PRMT6: variants seen among roughly 807,000 people sequenced by gnomAD.
PRMT6 encodes the protein protein arginine N-methyltransferase 6.
Under a neutral mutation model 30.5 loss-of-function variants are expected in PRMT6, and 23 were observed. The observed-to-expected ratio is 0.75, with a 90% CI of 0.54 to 1.07. The LOEUF (loss-of-function observed/expected upper bound fraction) is 1.07, where lower values mean the gene tolerates loss of function less well. Ranked by LOEUF, PRMT6 falls within the 50% of genes least tolerant of loss-of-function variation. The probability of loss-of-function intolerance (pLI) is 0.00; values close to 1 mark genes in which losing one functional copy is unlikely to be tolerated. For missense variants in PRMT6, 528 were observed against 514.3 expected, an observed-to-expected ratio of 1.03 and a Z score of -0.26; for synonymous variants, 265 against 228.0, an observed-to-expected ratio of 1.16 and a Z score of -1.46.
chr1:107,059,007 A>G lies in PRMT6; in HGVS notation c.*1164A>G, dbSNP rs1317650504. ...TTCCTTCCTTATCCTTGTAGCCAAT[A>G]AAACATTGACATTCTCACGTTTTAT... On this transcript the variant is annotated 3_prime_UTR_variant, in exon 1 of 1. Coordinates refer to ENST00000370078, the MANE Select transcript of PRMT6 (RefSeq NM_018137.3). 1 of 167,106 alleles carries G rather than the reference A, an allele frequency of 6.0e-6. No individual in the cohort carries two copies. The highest frequency in any genetic ancestry group is 1.5e-5 in the Non-Finnish European group (1 of 68,118). 10.4% of individuals were successfully genotyped at this position (167,106 alleles called of 1,614,324 possible).
At position 107,058,236 on chromosome 1, in the gene PRMT6, G is replaced by T; in HGVS notation, c.*393G>T. 1 of 295,504 alleles carries T rather than the reference G, an allele frequency of 3.4e-6. No homozygotes were observed. Among genetic ancestry groups the T allele is most frequent in the Non-Finnish European group, 6.9e-6 (1 of 145,474 alleles). 18.3% of individuals were successfully genotyped at this position (295,504 alleles called of 1,614,324 possible). On this transcript the variant is annotated 3_prime_UTR_variant, in exon 1 of 1. Coordinates refer to ENST00000370078, the MANE Select transcript of PRMT6 (RefSeq NM_018137.3). ...TCACACCTTATCTAAGTCTGAAGCT[G>T]GGGAGAAAGGGGTTCATTTAGACTT...
rs749566176 is a variant in PRMT6, at chr1:107,057,081, G to A, written c.366G>A (p.Glu122=). 6.8e-6 allele frequency: 11 copies of A among 1,609,446 alleles called. No individual in the cohort carries two copies. The African/African-American group carries it at 8.0e-5, about 12-fold the overall frequency. Residue 122 remains glutamate, a synonymous_variant, in exon 1 of 1, where the codon GAG becomes GAA. Coordinates refer to ENST00000370078, the MANE Select transcript of PRMT6 (RefSeq NM_018137.3). ...GCGCCATCTGGCAACAGGCCCGGGA[G>A]GTGGTGCGGTTCAACGGGCTGGAGG... ...EASAIWQQAR[E]VVRFNGLEDR...
In PRMT6 at chr1:107,056,956, C is replaced by T; in HGVS notation, c.241C>T (p.Leu81=). The T allele has an allele frequency of 6.2e-7, 1 of 1,613,014 alleles. No individual in the cohort carries two copies. Among genetic ancestry groups the T allele is most frequent in the Admixed American group, 1.7e-5 (1 of 59,958 alleles). Residue 81 remains leucine (L), a synonymous_variant, in exon 1 of 1, where the codon CTG becomes TTG. Transcript: ENST00000370078. ...GGGTATCCTTCGGAACTGGGCAGCA[C>T]TGCGAGGCAAGACGGTACTGGACGT... ...RLGILRNWAA[L]RGKTVLDVGA...
rs772295035 is a variant in PRMT6, at chr1:107,059,037, G to A, written c.*1194G>A. 7.2e-5 allele frequency: 12 copies of A among 167,042 alleles called. No homozygotes were observed. The highest frequency in any genetic ancestry group is 1.5e-4 in the Non-Finnish European group (10 of 68,100). The allele number at this position is 167,042 out of a possible 1,614,324, so 10.3% of individuals were successfully genotyped here. ...ATTGACATTCTCACGTTTTATAGAT[G>A]AGGTAAAAAGTCTTGTGTGCTGTGA... On this transcript the variant is annotated 3_prime_UTR_variant, in exon 1 of 1. Transcript: ENST00000370078.
rs377462998 is a variant in PRMT6 at position 107,057,258 on chromosome 1, C to T, written c.543C>T (p.Gly181=). ...LHARTKWLKE[G]GLLLPASAEL... ...CGCGAACCAAGTGGCTGAAGGAGGG[C>T]GGTCTTCTCCTGCCGGCCTCCGCCG... The change falls in exon 1 of 1, where the codon GGC becomes GGT. Residue 181 remains glycine (G), a synonymous_variant. Coordinates refer to ENST00000370078, the MANE Select transcript of PRMT6 (RefSeq NM_018137.3). 2 of 1,614,012 alleles carry T rather than the reference C, an allele frequency of 1.2e-6. No homozygotes were observed. Among genetic ancestry groups the T allele is most frequent in the South Asian group, 1.1e-5 (1 of 91,080 alleles).
At position 107,056,692 on chromosome 1, in the gene PRMT6, C is replaced by A; in HGVS notation, c.-24C>A. The A allele has an allele frequency of 6.8e-7, 1 of 1,471,194 alleles. No homozygotes were observed. Among genetic ancestry groups the A allele is most frequent in the Non-Finnish European group, 9.0e-7 (1 of 1,109,604 alleles). The allele number at this position is 1,471,194 out of a possible 1,614,324, so 91.1% of individuals were successfully genotyped here. A position where few individuals can be genotyped will look rare whatever the true frequency, so the allele number is the denominator to read the frequency against. ...CCGCGCCGTGCCGCGCTACGCCCGCCGGGAGCCGGGCAGAGCGGCCAAGAT... is the reference window on the plus strand; with the variant it reads ...CCGCGCCGTGCCGCGCTACGCCCGCAGGGAGCCGGGCAGAGCGGCCAAGAT... On this transcript the variant is annotated 5_prime_UTR_variant, in exon 1 of 1. Transcript: ENST00000370078.
rs1014245994 is a variant in PRMT6 at position 107,057,499 on chromosome 1, G to T, written c.784G>T (p.Gly262Cys). 6.2e-7 allele frequency: 1 copy of T among 1,613,180 alleles called. No homozygotes were observed. Among genetic ancestry groups the T allele is most frequent in the Admixed American group, 1.7e-5 (1 of 59,972 alleles). Residue 262 changes from glycine to cysteine, a missense_variant, in exon 1 of 1, where the codon GGC becomes TGC. By Grantham distance (159) the Gly-to-Cys change is radical. Transcript: ENST00000370078. The stretch of plus-strand genomic sequence containing the variant: ...TGCTCAGCTAGAGCTCTCCCGCGCC[G>T]GCTTGGAGCAGGAGCTGGAGGCCGG... Reference protein sequence around the residue: ...RFAQLELSRAGLEQELEAGVG... With the variant: ...RFAQLELSRACLEQELEAGVG...
rs1278830681 is a variant in PRMT6, at chr1:107,058,029, T to C, written c.*186T>C. The C allele has an allele frequency of 1.2e-6, 1 of 843,594 alleles. No individual in the cohort carries two copies. The highest frequency in any genetic ancestry group is 2.7e-5 in the Admixed American group (1 of 36,722). The allele number at this position is 843,594 out of a possible 1,614,324, so 52.3% of individuals were successfully genotyped here. A position where few individuals can be genotyped will look rare whatever the true frequency, so the allele number is the denominator to read the frequency against. On this transcript the variant is annotated 3_prime_UTR_variant, in exon 1 of 1. Transcript: ENST00000370078. ...TTTGAAGAGATTCTTCTGGTGATGT[T>C]TACTTAAAAAGTGATCCCCCTCAAC...
chr1:107,057,619 G>T lies in PRMT6; in HGVS notation c.904G>T (p.Glu302Ter). 8.1e-6 allele frequency: 13 copies of T among 1,614,214 alleles called. No individual in the cohort carries two copies. Among genetic ancestry groups the T allele is most frequent in the Non-Finnish European group, 1.1e-5 (13 of 1,180,050 alleles). ...GGTGACCTTCCCTGGAGGGGAGTCGGAGAAACCCCTGGTGCTGTCCACCTC... is the reference window on the plus strand; with the variant it reads ...GGTGACCTTCCCTGGAGGGGAGTCGTAGAAACCCCTGGTGCTGTCCACCTC... Reference protein sequence around the residue: ...FQVTFPGGESEKPLVLSTSPF... With the variant: ...FQVTFPGGES The change falls in exon 1 of 1, where the codon GAG becomes TAG. Residue 302 changes from glutamate to a stop codon, truncating the protein, a stop_gained. Transcript: ENST00000370078. LOFTEE classifies it high-confidence loss of function.
At position 107,058,055 on chromosome 1, in the gene PRMT6, A is replaced by G. The variant is rs1309078150; in HGVS notation, c.*212A>G. 1.5e-6 allele frequency: 1 copy of G among 679,230 alleles called. No homozygotes were observed. The allele number at this position is 679,230 out of a possible 1,614,324, so 42.1% of individuals were successfully genotyped here. Reference sequence around the variant, plus strand: ...TACTTAAAAAGTGATCCCCCTCAACAACGGATACAGCGTGCTTATTATTGG... The same window carrying G: ...TACTTAAAAAGTGATCCCCCTCAACGACGGATACAGCGTGCTTATTATTGG... On this transcript the variant is annotated 3_prime_UTR_variant, in exon 1 of 1. Transcript: ENST00000370078.
chr1:107,057,889 G>A lies in PRMT6; in HGVS notation c.*46G>A. 1.9e-6 allele frequency: 3 copies of A among 1,552,494 alleles called. No individual in the cohort carries two copies. The highest frequency in any genetic ancestry group is 2.6e-6 in the Non-Finnish European group (3 of 1,147,330). On this transcript the variant is annotated 3_prime_UTR_variant, in exon 1 of 1. Coordinates refer to ENST00000370078, the MANE Select transcript of PRMT6 (RefSeq NM_018137.3). ...TACCTCCCAAAGCAGCCTGACCTGCGTGGGAGAGGCGTAGCGAGGTCGGAG... is the reference window on the plus strand; with the variant it reads ...TACCTCCCAAAGCAGCCTGACCTGCATGGGAGAGGCGTAGCGAGGTCGGAG...
In PRMT6 at chr1:107,058,045, C is replaced by A. The variant is rs1651772898; in HGVS notation, c.*202C>A. ...TGGTGATGTTTACTTAAAAAGTGAT[C>A]CCCCTCAACAACGGATACAGCGTGC... On this transcript the variant is annotated 3_prime_UTR_variant, in exon 1 of 1. Coordinates refer to ENST00000370078, the MANE Select transcript of PRMT6 (RefSeq NM_018137.3). 1.4e-6 allele frequency: 1 copy of A among 736,088 alleles called. No individual in the cohort carries two copies. The highest frequency in any genetic ancestry group is 1.8e-5 in the African/African-American group (1 of 56,314). The allele number at this position is 736,088 out of a possible 1,614,324, so 45.6% of individuals were successfully genotyped here. A position where few individuals can be genotyped will look rare whatever the true frequency, so the allele number is the denominator to read the frequency against.
Position 107,058,099 on chromosome 1 carries a change from A to C in PRMT6, c.*256A>C, listed in dbSNP as rs917377340. 5.3e-6 allele frequency: 3 copies of C among 561,124 alleles called. No individual in the cohort carries two copies. The highest frequency in any genetic ancestry group is 9.8e-6 in the Non-Finnish European group (3 of 305,322). The allele number at this position is 561,124 out of a possible 1,614,324, so 34.8% of individuals were successfully genotyped here. A position where few individuals can be genotyped will look rare whatever the true frequency, so the allele number is the denominator to read the frequency against. ...TTATTGGGCATTTAGCCTCAAAAGC[A>C]TGTAGTACCAAGCACTTGTATTTCC... On this transcript the variant is annotated 3_prime_UTR_variant, in exon 1 of 1. Transcript: ENST00000370078.
In PRMT6 at chr1:107,059,210, C is replaced by T. The variant is rs924452760; in HGVS notation, c.*1367C>T. On this transcript the variant is annotated 3_prime_UTR_variant, in exon 1 of 1. Coordinates refer to ENST00000370078, the MANE Select transcript of PRMT6 (RefSeq NM_018137.3). ...AAAATAGGTGTGAAAAACTGGTGTT[C>T]TGAAATAGCCTAACATTTATTGTAA... is the stretch of plus-strand genomic sequence containing the variant. The T allele has an allele frequency of 6.0e-6, 1 of 166,894 alleles. No individual in the cohort carries two copies. Among genetic ancestry groups the T allele is most frequent in the African/African-American group, 2.4e-5 (1 of 41,430 alleles). The allele number at this position is 166,894 out of a possible 1,614,324, so 10.3% of individuals were successfully genotyped here.
rs751469434 is a variant in PRMT6 at position 107,057,677 on chromosome 1, C to G, written c.962C>G (p.Ala321Gly). The change falls in exon 1 of 1, where the codon GCG (alanine) becomes GGG (glycine). Residue 321 changes from alanine to glycine, a missense_variant. Ala to Gly is a moderately conservative substitution (Grantham distance 60, BLOSUM62 0). Transcript: ENST00000370078. ...PFHPATHWKQALLYLNEPVQV... is the reference protein window; with the variant it reads ...PFHPATHWKQGLLYLNEPVQV... ...CACCCGGCCACTCACTGGAAACAGG[C>G]GCTCCTCTACCTGAACGAGCCGGTG... The G allele has an allele frequency of 5.6e-6, 9 of 1,614,104 alleles. No individual in the cohort carries two copies. The highest frequency in any genetic ancestry group is 7.6e-6 in the Non-Finnish European group (9 of 1,180,048).
Position 107,057,626 on chromosome 1 carries a change from C to A in PRMT6, c.911C>A (p.Pro304His), listed in dbSNP as rs761078317. The A allele has an allele frequency of 1.2e-6, 2 of 1,614,190 alleles. No individual in the cohort carries two copies. Among genetic ancestry groups the A allele is most frequent in the Non-Finnish European group, 1.7e-6 (2 of 1,180,042 alleles). Residue 304 changes from proline (P) to histidine (H), a missense_variant, in exon 1 of 1, where the codon CCC becomes CAC. Pro to His is a moderately conservative substitution (Grantham distance 77, BLOSUM62 -2). Coordinates refer to ENST00000370078, the MANE Select transcript of PRMT6 (RefSeq NM_018137.3). ...TTCCCTGGAGGGGAGTCGGAGAAAC[C>A]CCTGGTGCTGTCCACCTCGCCTTTT... ...VTFPGGESEK[P>H]LVLSTSPFHP... is the part of the protein sequence containing the mutation.
rs1341659671 is a variant in PRMT6 at position 107,058,202 on chromosome 1, C to G, written c.*359C>G. Reference sequence around the variant, plus strand: ...AGTTTTTGAAGGGTCCATGCACATCCCTGACACCTCACACCTTATCTAAGT... The same window carrying G: ...AGTTTTTGAAGGGTCCATGCACATCGCTGACACCTCACACCTTATCTAAGT... On this transcript the variant is annotated 3_prime_UTR_variant, in exon 1 of 1. Coordinates refer to ENST00000370078, the MANE Select transcript of PRMT6 (RefSeq NM_018137.3). 2.8e-6 allele frequency: 1 copy of G among 354,824 alleles called. No individual in the cohort carries two copies. The highest frequency in any genetic ancestry group is 5.6e-6 in the Non-Finnish European group (1 of 177,726). 22.0% of individuals were successfully genotyped at this position (354,824 alleles called of 1,614,324 possible).
chr1:107,058,961 T>G lies in PRMT6; in HGVS notation c.*1118T>G, dbSNP rs1651791609. ...TTGTAATGAAGTGTGAATCTTGTTA[T>G]CAAATTTATTTCTCTGATGTTTCCT... On this transcript the variant is annotated 3_prime_UTR_variant, in exon 1 of 1. Transcript: ENST00000370078. The G allele has an allele frequency of 6.0e-6, 1 of 167,072 alleles. No individual in the cohort carries two copies. Among genetic ancestry groups the G allele is most frequent in the Non-Finnish European group, 1.5e-5 (1 of 68,122 alleles). 10.3% of individuals were successfully genotyped at this position (167,072 alleles called of 1,614,324 possible). A position where few individuals can be genotyped will look rare whatever the true frequency, so the allele number is the denominator to read the frequency against.
rs755991158 is a variant in PRMT6 at position 107,057,043 on chromosome 1, G to T, written c.328G>T (p.Ala110Ser). The stretch of plus-strand genomic sequence containing the variant: ...CCAGGCCGGGGCCCGGCGCGTGTAC[G>T]CGGTAGAGGCCAGCGCCATCTGGCA... ...CAQAGARRVY[A>S]VEASAIWQQA... is the part of the protein sequence containing the mutation. Residue 110 changes from alanine (A) to serine (S), a missense_variant, in exon 1 of 1, where the codon GCG becomes TCG. Transcript: ENST00000370078. 7 of 1,612,694 alleles carry T rather than the reference G, an allele frequency of 4.3e-6. No individual in the cohort carries two copies. In the South Asian group the frequency reaches 6.6e-5, roughly 15 times the overall value.
Sources: allele counts gnomAD v4.1 joint callset, GRCh38; gene constraint gnomAD v4.1.1; transcripts MANE v1.5; gene names NCBI Gene and HGNC (gene_info 2026-07-23, HGNC 2026-07-21).